The following ALX3 variants were observed in gnomAD, a reference collection of about 807,000 sequenced individuals.
ALX3 encodes the protein ALX homeobox 3, also known as homeobox protein aristaless-like 3.
ALX3 carries 17 observed loss-of-function variants against 26.3 expected under a neutral mutation model. That is an observed-to-expected ratio of 0.65 (90% CI 0.44 to 0.97). ALX3 has a LOEUF of 0.97. Among genes scored for constraint, ALX3 ranks in the 50% least tolerant of loss-of-function variants. The pLI is 0.00. For missense variants in ALX3, 461 were observed against 466.5 expected, an observed-to-expected ratio of 0.99 and a Z score of 0.11; for synonymous variants, 208 against 201.4, an observed-to-expected ratio of 1.03 and a Z score of -0.28.
chr1:110,062,814 C>T (rs1653687365), intron 2 of ALX3, among the ~76,000 whole-genome samples: 1 of 152,096 alleles, frequency 6.6e-6, no homozygotes. Context: ...AGCAAAAGGC[C>T]ACCCCCACCT....
rs1175764444 is a variant in ALX3 at position 110,064,823 on chromosome 1, T to C, written c.358A>G (p.Asn120Asp). Residue 120 changes from asparagine to aspartate, a missense_variant, in exon 2 of 4, where the codon AAC becomes GAC. Physicochemically the swap from Asn to Asp is conservative, Grantham distance 23. Coordinates refer to ENST00000647563, the MANE Select transcript of ALX3 (RefSeq NM_006492.3). Reference sequence around the variant, plus strand: ...CAGGGGCCTGGGGAGCCTTGCAAGTTAGAGGGCCCGTCTCTGGGGCCCCCT... The same window carrying C: ...CAGGGGCCTGGGGAGCCTTGCAAGTCAGAGGGCCCGTCTCTGGGGCCCCCT... ...CRGGPRDGPS[N>D]LQGSPGPCLA... is the part of the protein sequence containing the mutation. 1 of 1,613,668 alleles carries C rather than the reference T, an allele frequency of 6.2e-7. No homozygotes were observed. Among genetic ancestry groups the C allele is most frequent in the Middle Eastern group, 1.6e-4 (1 of 6,062 alleles).
At position 110,064,909 on chromosome 1, in the gene ALX3, A is replaced by G. The variant is rs181886020; in HGVS notation, c.278-6T>C. ...TTTGGAGGTCTTCTCCTCAGCTGCA[A>G]TGGAGAACACAAAAGGGAGGATGGC... On this transcript the variant is annotated splice_polypyrimidine_tract_variant and splice_region_variant and intron_variant, in intron 1 of 3. Coordinates refer to ENST00000647563, the MANE Select transcript of ALX3 (RefSeq NM_006492.3). 9.7e-5 allele frequency: 156 copies of G among 1,600,490 alleles called. No individual in the cohort carries two copies. In the African/African-American group the frequency reaches 1.5e-3, roughly 15 times the overall value.
At chr1:110,065,949 G>C (rs12133506) in intron 1 of ALX3, among the ~76,000 whole-genome samples, 24,910 of 152,236 alleles carry the variant, frequency 0.16, 2,427 homozygotes, top group Non-Finnish European at 0.22. Context: ...CTCCTCAACA[G>C]TCCACTGGGA....
intron 1 of ALX3, among the ~76,000 whole-genome samples, chr1:110,068,344 C>T (rs1312116626): frequency 6.6e-6 from 1 of 152,196 alleles, no homozygotes; most frequent in African/African-American, 2.4e-5. Flanking sequence ...GCCCTGGGGG[C>T]TGACTGTCCT....
rs1653745881 is a variant in ALX3 at position 110,064,880 on chromosome 1, C to T, written c.301G>A (p.Ala101Thr). 2.5e-6 allele frequency: 4 copies of T among 1,609,660 alleles called. No individual in the cohort carries two copies. Among genetic ancestry groups the T allele is most frequent in the Middle Eastern group, 1.7e-4 (1 of 6,032 alleles). ...TCCAAGGGCAGCTGGGGGAAGCTGG[C>T]AGCTTTGGAGGTCTTCTCCTCAGCT... is the stretch of plus-strand genomic sequence containing the variant. ...AEAEEKTSKA[A>T]SFPQLPLDCR... is the part of the protein sequence containing the mutation. The change falls in exon 2 of 4, where the codon GCC becomes ACC. Residue 101 changes from alanine (A) to threonine (T), a missense_variant. By Grantham distance (58) the Ala-to-Thr change is moderately conservative (BLOSUM62 0). Transcript: ENST00000647563.
Position 110,061,503 on chromosome 1 carries a change from C to T in ALX3, c.655G>A (p.Glu219Lys), listed in dbSNP as rs1313405565. Residue 219 changes from glutamate (E) to lysine (K), a missense_variant, in exon 3 of 4, where the codon GAG (glutamate) becomes AAG (lysine). Glu to Lys is a moderately conservative substitution (Grantham distance 56, BLOSUM62 1). Around this residue, in one of 3 missense-constraint regions of ALX3, gnomAD observed 169 missense variants for 178.0 expected, o/e 0.95. Coordinates refer to ENST00000647563, the MANE Select transcript of ALX3 (RefSeq NM_006492.3). ...GCAGCCGTGAAGGGGTTCCGCCCCT[C>T]CTGGATCTTCCCATAACGCTCGCGC... ...RKRERYGKIQ[E>K]GRNPFTAAYD... 1 of 1,614,096 alleles carries T rather than the reference C, an allele frequency of 6.2e-7. No homozygotes were observed. The highest frequency in any genetic ancestry group is 1.3e-5 in the African/African-American group (1 of 74,934).
chr1:110,066,174 C>A (rs1191185458), intron 1 of ALX3, among the ~76,000 whole-genome samples: 1 of 152,202 alleles, frequency 6.6e-6, no homozygotes, highest in East Asian at 1.9e-4. Flanking sequence ...CTGGTGAGTC[C>A]CTGTCTGCAC....
At chr1:110,061,124 G>A (rs935464144) in intron 3 of ALX3, 83 bp from the exon 4 acceptor site, 51 of 1,493,136 alleles carry the variant, frequency 3.4e-5, no homozygotes, top group Non-Finnish European at 4.6e-5. Context: ...CTTTGTCCTT[G>A]GGGCCCCAGA....
At position 110,060,866 on chromosome 1, in the gene ALX3, A is replaced by T; in HGVS notation, c.899T>A (p.Ile300Asn). 1 of 1,613,946 alleles carries T rather than the reference A, an allele frequency of 6.2e-7. No individual in the cohort carries two copies. Among genetic ancestry groups the T allele is most frequent in the East Asian group, 2.2e-5 (1 of 44,854 alleles). The stretch of plus-strand genomic sequence containing the variant: ...CCCCAGGGTGGGGGGAAAGCCATGG[A>T]TGGAGTAGATGCCAGGGTGAGCCGC... Reference protein sequence around the residue: ...PSAAHPGIYSIHGFPPTLGGH... With the variant: ...PSAAHPGIYSNHGFPPTLGGH... The change falls in exon 4 of 4, where the codon ATC (isoleucine) becomes AAC (asparagine). Residue 300 changes from isoleucine (I) to asparagine (N), a missense_variant. This residue lies in a region of ALX3 where 169 missense variants were observed against 178.0 expected (regional missense o/e 0.95). Coordinates refer to ENST00000647563, the MANE Select transcript of ALX3 (RefSeq NM_006492.3).
intron 1 of ALX3, among the ~76,000 whole-genome samples, chr1:110,069,789 C>G (rs1653875136): frequency 6.6e-6 from 1 of 152,202 alleles, no homozygotes; most frequent in Non-Finnish European, 1.5e-5. Flanking sequence ...CAGGCAGCAC[C>G]CTTCCTGTGA....
At chr1:110,061,204 C>G in intron 3 of ALX3, 163 bp from the exon 4 acceptor site, 4 of 985,296 alleles carry the variant, frequency 4.1e-6, no homozygotes, top group Non-Finnish European at 6.1e-6. Flanking sequence ...AGTGGCATCT[C>G]AGGAGGCCCC....
chr1:110,060,607 G>T lies in ALX3; in HGVS notation c.*126C>A. 3.2e-6 allele frequency: 2 copies of T among 623,460 alleles called. No homozygotes were observed. The highest frequency in any genetic ancestry group is 2.3e-6 in the Non-Finnish European group (1 of 444,184). 38.6% of individuals were successfully genotyped at this position (623,460 alleles called of 1,614,324 possible). On this transcript the variant is annotated 3_prime_UTR_variant, in exon 4 of 4. Coordinates refer to ENST00000647563, the MANE Select transcript of ALX3 (RefSeq NM_006492.3). ...ACCCTGTAACGTGTTCCCTGCTGGG[G>T]GCTGACAGTGCCAGCTGCTCTCGCA...
chr1:110,061,601 G>A (rs1455896110), intron 2 of ALX3, 38 bp from the exon 3 acceptor site: 3 of 1,613,126 alleles, frequency 1.9e-6, no homozygotes, highest in Non-Finnish European at 2.5e-6. Context: ...GGGTGATAGG[G>A]CAGCCCTGAG....
At position 110,070,326 on chromosome 1, in the gene ALX3, C is replaced by A; in HGVS notation, c.277+10G>T. On this transcript the variant is annotated intron_variant, in intron 1 of 3. Coordinates refer to ENST00000647563, the MANE Select transcript of ALX3 (RefSeq NM_006492.3). ...TCGGGCTGCGCGCTACGCCCCGCGC[C>A]GCGCGTTACCTTCCGCGGGGCCCTC... 4 of 1,292,638 alleles carry A rather than the reference C, an allele frequency of 3.1e-6. No individual in the cohort carries two copies. Among genetic ancestry groups the A allele is most frequent in the Non-Finnish European group, 3.9e-6 (4 of 1,019,302 alleles). 80.1% of individuals were successfully genotyped at this position (1,292,638 alleles called of 1,614,324 possible). A position where few individuals can be genotyped will look rare whatever the true frequency, so the allele number is the denominator to read the frequency against.
intron 3 of ALX3, 129 bp from the exon 4 acceptor site, chr1:110,061,170 C>G (rs1447448956): frequency 3.6e-6 from 4 of 1,124,062 alleles, no homozygotes; most frequent in Non-Finnish European, 3.9e-6. Flanking sequence ...CTCAGATCTA[C>G]CCCCTCTCAC....
chr1:110,060,658 A>T lies in ALX3; in HGVS notation c.*75T>A. On this transcript the variant is annotated 3_prime_UTR_variant, in exon 4 of 4. Transcript: ENST00000647563. ...GCCTCCAGAACCATCTGGGGCTTGG[A>T]GGCAGAGGTGGGCTGGGAGCGACTG... is the stretch of plus-strand genomic sequence containing the variant. 6.7e-7 allele frequency: 1 copy of T among 1,485,708 alleles called. No individual in the cohort carries two copies. Among genetic ancestry groups the T allele is most frequent in the Non-Finnish European group, 9.1e-7 (1 of 1,096,626 alleles). The allele number at this position is 1,485,708 out of a possible 1,614,324, so 92.0% of individuals were successfully genotyped here. A position where few individuals can be genotyped will look rare whatever the true frequency, so the allele number is the denominator to read the frequency against.
intron 1 of ALX3, 129 bp from the exon 2 acceptor site, chr1:110,065,032 C>T (rs1011520553): frequency 3.0e-6 from 3 of 992,208 alleles, no homozygotes; most frequent in Non-Finnish European, 4.3e-6. Context: ...TCCCTTCCTC[C>T]TGGCAGCCAC....
intron 1 of ALX3, among the ~76,000 whole-genome samples, chr1:110,065,230 A>G (rs990881635): frequency 5.3e-5 from 8 of 152,116 alleles, no homozygotes; most frequent in African/African-American, 1.9e-4. Context: ...CAGCAGGACC[A>G]CCACCCTGGC....
chr1:110,060,798 G>C lies in ALX3; in HGVS notation c.967C>G (p.Pro323Ala). ...TTTACCCTGAGCGAGACGAGGCTTGGAGACTTATAGTCACCATCTGAGGAA... is the reference window on the plus strand; with the variant it reads ...TTTACCCTGAGCGAGACGAGGCTTGCAGACTTATAGTCACCATCTGAGGAA... ...EPSSDGDYKS[P>A]SLVSLRVKPK... Residue 323 changes from proline (P) to alanine (A), a missense_variant, in exon 4 of 4, where the codon CCA becomes GCA. Around this residue, in one of 3 missense-constraint regions of ALX3, gnomAD observed 169 missense variants for 178.0 expected, o/e 0.95. Coordinates refer to ENST00000647563, the MANE Select transcript of ALX3 (RefSeq NM_006492.3). 6.2e-7 allele frequency: 1 copy of C among 1,613,760 alleles called. No homozygotes were observed. The highest frequency in any genetic ancestry group is 8.5e-7 in the Non-Finnish European group (1 of 1,179,844).
Sources: allele counts gnomAD v4.1 joint callset (sites outside exome capture counted in the v4.1 genomes callset), GRCh38; gene constraint gnomAD v4.1.1; regional missense constraint gnomAD v4.1.1; transcripts MANE v1.5; gene names NCBI Gene and HGNC (gene_info 2026-07-23, HGNC 2026-07-21).